The following RXFP1 variants were observed in gnomAD, a reference collection of about 807,000 sequenced individuals.
The protein encoded by RXFP1 is relaxin family peptide receptor 1.
A neutral mutation model predicts 89.8 loss-of-function variants in RXFP1; 73 were observed. The ratio of observed to expected loss-of-function variants is 0.81; its 90% CI spans 0.67 to 0.99. The LOEUF is 0.99. Among genes scored for constraint, RXFP1 ranks in the 50% least tolerant of loss-of-function variants. RXFP1 has a pLI of 0.00. For synonymous variants in RXFP1, 277 were observed against 305.5 expected (o/e 0.91, Z 0.97); for missense variants, 793 against 895.5 (o/e 0.89, Z 1.46).
chr4:158,633,435 T>C lies in RXFP1; in HGVS notation c.930T>C (p.Leu310=). The C allele has an allele frequency of 6.2e-7, 1 of 1,603,636 alleles. No individual in the cohort carries two copies. Among genetic ancestry groups the C allele is most frequent in the Non-Finnish European group, 8.5e-7 (1 of 1,172,176 alleles). Residue 310 remains leucine (L), a synonymous_variant, in exon 12 of 18, where the codon CTT becomes CTC. Coordinates refer to ENST00000307765, the MANE Select transcript of RXFP1 (RefSeq NM_021634.4). The stretch of plus-strand genomic sequence containing the variant: ...TAGGAAGTAATAAGATTGAAAATCT[T>C]CCACCGCTTATATTCAAGGACCTGA... ...LDLGSNKIEN[L]PPLIFKDLKE...
At chr4:158,645,166 T>G in intron 15 of RXFP1, 28 bp downstream of exon 15, 3 of 1,534,096 alleles carry the variant, frequency 2.0e-6, no homozygotes, top group Non-Finnish European at 2.7e-6. Context: ...AAAGGAGAAT[T>G]GTAGTTTTGA....
At position 158,572,756 on chromosome 4, in the gene RXFP1, C is replaced by T. The variant is rs1561040507; in HGVS notation, c.108C>T (p.Asn36=). The change falls in exon 2 of 18, where the codon AAC becomes AAT. Residue 36 remains asparagine, a synonymous_variant. Transcript: ENST00000307765. ...KCSLGYFPCG[N]ITKCLPQLLH... ...CCCTTGGCTATTTCCCCTGTGGGAA[C>T]ATCACAAAGTGCTTGCCTCAGCTCC... The T allele has an allele frequency of 1.2e-6, 2 of 1,614,174 alleles. No individual in the cohort carries two copies. The highest frequency in any genetic ancestry group is 8.5e-7 in the Non-Finnish European group (1 of 1,180,034).
chr4:158,545,027 A>T (rs540185980), intron 1 of RXFP1, among the ~76,000 whole-genome samples: 179 of 151,664 alleles, frequency 1.2e-3, no homozygotes, highest in African/African-American at 4.0e-3. Flanking sequence ...CGCCACACTG[A>T]CTTCCACAAT....
chr4:158,535,668 A>G (rs536239668), intron 1 of RXFP1, among the ~76,000 whole-genome samples: 3 of 152,398 alleles, frequency 2.0e-5, no homozygotes, highest in South Asian at 2.1e-4. Context: ...GGACCTTAAT[A>G]CATTTTTAAA....
chr4:158,558,539 CA>C (rs905413112), intron 1 of RXFP1, among the ~76,000 whole-genome samples: 4 of 151,888 alleles, frequency 2.6e-5, no homozygotes, highest in Admixed American at 6.6e-5. Context: ...TTAATAACTA[CA>C]AAAAAATAAA....
intron 3 of RXFP1, 158 bp from the exon 4 acceptor site, chr4:158,599,168 G>A: frequency 8.7e-7 from 1 of 1,152,042 alleles, no homozygotes; most frequent in Non-Finnish European, 1.2e-6. Flanking sequence ...GCAAACTTTG[G>A]AGCCTTAATT....
intron 1 of RXFP1, among the ~76,000 whole-genome samples, chr4:158,555,676 C>T (rs1579576258): frequency 3.3e-5 from 5 of 152,302 alleles, no homozygotes; most frequent in Admixed American, 3.3e-4. Flanking sequence ...CCACTCAATA[C>T]TTGTGTCTCA....
chr4:158,587,829 G>A (rs558126131), intron 2 of RXFP1, among the ~76,000 whole-genome samples: 10 of 152,208 alleles, frequency 6.6e-5, no homozygotes, highest in Admixed American at 5.2e-4. Context: ...GTAGTTATGA[G>A]GATAAAATGG....
intron 9 of RXFP1, among the ~76,000 whole-genome samples, chr4:158,622,461 G>A (rs59498089): frequency 0.26 from 39,804 of 152,126 alleles, 8,665 homozygotes; most frequent in African/African-American, 0.59. Context: ...CAAGATATTA[G>A]TCAACCTTAG....
rs111275682 is a variant in RXFP1 at position 158,525,130 on chromosome 4, C to T, written c.49+3105C>T. Among the ~76,000 whole-genome samples the T allele has an allele frequency of 5.8e-4, 88 of 151,714 alleles. 1 individual carries two copies. Among genetic ancestry groups the T allele is most frequent in the Middle Eastern group, 3.4e-3 (1 of 294 alleles). On this transcript the variant is annotated intron_variant, in intron 1 of 17. Coordinates refer to ENST00000307765, the MANE Select transcript of RXFP1 (RefSeq NM_021634.4). ...TTAGTACGTGGAAAAAGAGAATGTT[C>T]GCATATTTATCCAATTCCAAAAGAT...
At position 158,645,114 on chromosome 4, in the gene RXFP1, G is replaced by A. The variant is rs1200794235; in HGVS notation, c.1321G>A (p.Ala441Thr). The A allele has an allele frequency of 6.2e-7, 1 of 1,613,416 alleles. No individual in the cohort carries two copies. Among genetic ancestry groups the A allele is most frequent in the Non-Finnish European group, 8.5e-7 (1 of 1,179,474 alleles). The change falls in exon 15 of 18, where the codon GCC becomes ACC. Residue 441 changes from alanine to threonine, a missense_variant. By Grantham distance (58) the Ala-to-Thr change is moderately conservative. Transcript: ENST00000307765. The part of the protein sequence containing the change: ...PYIRSENKLY[A>T]MSIISLCCAD... ...TATCAGGTCTGAGAACAAGCTGTATGCCATGTCAATCATTTCTCTCTGCTG... is the reference window on the plus strand; with the variant it reads ...TATCAGGTCTGAGAACAAGCTGTATACCATGTCAATCATTTCTCTCTGCTG...
rs536035530 is a variant in RXFP1, at chr4:158,525,013, T to C, written c.49+2988T>C. On this transcript the variant is annotated intron_variant, in intron 1 of 17. Transcript: ENST00000307765. The stretch of plus-strand genomic sequence containing the variant: ...CAGGCTACCTGGCCTTTGCTTTGGA[T>C]CCCAGCACTGGCATAACTTGTAACA... 2.0e-5 allele frequency among the ~76,000 whole-genome samples: 3 copies of C among 152,274 alleles called. No individual in the cohort carries two copies. In the South Asian group the frequency reaches 6.2e-4, roughly 32 times the overall value.
At position 158,563,531 on chromosome 4, in the gene RXFP1, CACACA is replaced by C. The variant is rs1561017068; in HGVS notation, c.50-9166_50-9162del. Reference sequence around the variant, plus strand: ...ACACACACACACACACACACACACACACACACCCCAACAGGAATACTGAAATAAAT... The same window carrying C: ...ACACACACACACACACACACACACACCCCCAACAGGAATACTGAAATAAAT... On this transcript the variant is annotated intron_variant, in intron 1 of 17. Transcript: ENST00000307765. 4.2e-4 allele frequency among the ~76,000 whole-genome samples: 63 copies of C among 150,072 alleles called. 1 individual carries two copies. Among genetic ancestry groups the C allele is most frequent in the South Asian group, 1.3e-3 (6 of 4,780 alleles).
chr4:158,522,174 T>C (rs1002156446), intron 1 of RXFP1, 149 bp downstream of exon 1: 1 of 581,452 alleles, frequency 1.7e-6, no homozygotes, highest in African/African-American at 1.9e-5. Context: ...TTCTTCTTAG[T>C]ATATGTCTGG....
At chr4:158,582,467 C>T (rs1453953615) in intron 2 of RXFP1, among the ~76,000 whole-genome samples, 2 of 152,110 alleles carry the variant, frequency 1.3e-5, no homozygotes, top group Non-Finnish European at 2.9e-5. Flanking sequence ...TCCATCTGGT[C>T]CTCTGCCGTA....
chr4:158,529,244 T>G (rs538650902), intron 1 of RXFP1, among the ~76,000 whole-genome samples: 5 of 110,050 alleles, frequency 4.5e-5, no homozygotes, highest in Admixed American at 2.2e-4. Flanking sequence ...TTGCTTGTTT[T>G]TTGTTGTTGT....
chr4:158,575,725 A>C (rs1756047465), intron 2 of RXFP1, among the ~76,000 whole-genome samples: 1 of 152,198 alleles, frequency 6.6e-6, no homozygotes, highest in African/African-American at 2.4e-5. Flanking sequence ...AGAACTATGA[A>C]AAATAAATGT....
At chr4:158,555,386 C>T (rs1216290683) in intron 1 of RXFP1, among the ~76,000 whole-genome samples, 2 of 152,156 alleles carry the variant, frequency 1.3e-5, no homozygotes, top group South Asian at 2.1e-4. Context: ...AAAATGATAA[C>T]CAGCCGTAGC....
chr4:158,637,109 G>A (rs187253551), intron 12 of RXFP1, among the ~76,000 whole-genome samples: 4 of 152,266 alleles, frequency 2.6e-5, no homozygotes, highest in Admixed American at 2.6e-4. Context: ...GTATTCTATT[G>A]TGTATGTATA....
Sources: gnomAD v4.1 joint callset for allele counts (sites outside exome capture counted in the v4.1 genomes callset) on GRCh38, gnomAD v4.1.1 for gene constraint, MANE v1.5 for transcripts, NCBI Gene and HGNC (gene_info 2026-07-23, HGNC 2026-07-21) for gene names.